Variants in KRTAP9-3 observed in about 807,000 individuals in gnomAD.
KRTAP9-3 encodes the protein keratin-associated protein 9-3.
Under a neutral mutation model 13.0 loss-of-function variants are expected in KRTAP9-3, and 12 were observed. The ratio of observed to expected loss-of-function variants is 0.93; its 90% CI spans 0.59 to 1.50. The LOEUF is 1.50. Among genes scored for constraint, KRTAP9-3 ranks in the 40% most tolerant of loss-of-function variants. KRTAP9-3 has a pLI of 0.00. For missense variants in KRTAP9-3, 232 were observed against 195.2 expected, an observed-to-expected ratio of 1.19 and a Z score of -1.12; for synonymous variants, 89 against 68.7, an observed-to-expected ratio of 1.29 and a Z score of -1.46.
rs892627992 is a variant in KRTAP9-3 at position 41,233,146 on chromosome 17, C to T, written c.*165C>T. The T allele has an allele frequency of 7.9e-6, 9 of 1,138,110 alleles. No individual in the cohort carries two copies. Among genetic ancestry groups the T allele is most frequent in the Non-Finnish European group, 1.0e-5 (8 of 797,482 alleles). The allele number at this position is 1,138,110 out of a possible 1,614,324, so 70.5% of individuals were successfully genotyped here. On this transcript the variant is annotated 3_prime_UTR_variant, in exon 1 of 1. Coordinates refer to ENST00000411528, the MANE Select transcript of KRTAP9-3 (RefSeq NM_031962.3). ...TCTTGGGAATCTGCTTGAGGGAGGG[C>T]AGAATACTTCATCCTCATTCCCTCT...
chr17:41,232,516 C>T lies in KRTAP9-3; in HGVS notation c.15C>T (p.Cys5=). The change falls in exon 1 of 1, where the codon TGC becomes TGT. Residue 5 remains cysteine, a synonymous_variant. Coordinates refer to ENST00000411528, the MANE Select transcript of KRTAP9-3 (RefSeq NM_031962.3). ...TCCCTGACACCATGACCCACTGTTG[C>T]TCCCCTTGCTGTCAGCCTACCTGCT... MTHC[C]SPCCQPTCCR... 6.2e-7 allele frequency: 1 copy of T among 1,606,060 alleles called. No individual in the cohort carries two copies. The highest frequency in any genetic ancestry group is 8.5e-7 in the Non-Finnish European group (1 of 1,179,586).
Position 41,233,067 on chromosome 17 carries a change from T to C in KRTAP9-3, c.*86T>C. 1 of 1,566,198 alleles carries C rather than the reference T, an allele frequency of 6.4e-7. No homozygotes were observed. The highest frequency in any genetic ancestry group is 8.6e-7 in the Non-Finnish European group (1 of 1,157,344). On this transcript the variant is annotated 3_prime_UTR_variant, in exon 1 of 1. Transcript: ENST00000411528. ...TTGAGGGACTAATTTACTTTGCTGC[T>C]GACAGCCACCATGCTCTCACCCAAA...
Position 41,232,717 on chromosome 17 carries a change from G to T in KRTAP9-3, c.216G>T (p.Gln72His), listed in dbSNP as rs1272886092. ...CQPICVTSCCQPSCCSTPCCQ... is the reference protein window; with the variant it reads ...CQPICVTSCCHPSCCSTPCCQ... ...CCATCTGTGTGACCAGCTGCTGCCAGCCTTCCTGCTGTAGCACACCCTGCT... is the reference window on the plus strand; with the variant it reads ...CCATCTGTGTGACCAGCTGCTGCCATCCTTCCTGCTGTAGCACACCCTGCT... The change falls in exon 1 of 1, where the codon CAG (glutamine) becomes CAT (histidine). Residue 72 changes from glutamine (Q) to histidine (H), a missense_variant. By Grantham distance (24) the Gln-to-His change is conservative (BLOSUM62 0). Coordinates refer to ENST00000411528, the MANE Select transcript of KRTAP9-3 (RefSeq NM_031962.3). 1 of 1,608,580 alleles carries T rather than the reference G, an allele frequency of 6.2e-7. No homozygotes were observed. The highest frequency in any genetic ancestry group is 2.2e-5 in the East Asian group (1 of 44,884).
chr17:41,232,780 C>A lies in KRTAP9-3; in HGVS notation c.279C>A (p.Ser93Arg), dbSNP rs771161134. 3.7e-6 allele frequency: 6 copies of A among 1,608,136 alleles called. No individual in the cohort carries two copies. The highest frequency in any genetic ancestry group is 4.2e-6 in the Non-Finnish European group (5 of 1,179,946). ...GCTGTGGGTCCAGCTGTGGTCAGAGCAGCTCCTGTGCACCTGTGTACTGCA... is the reference window on the plus strand; with the variant it reads ...GCTGTGGGTCCAGCTGTGGTCAGAGAAGCTCCTGTGCACCTGTGTACTGCA... ...PTCCGSSCGQ[S>R]SSCAPVYCRR... The change falls in exon 1 of 1, where the codon AGC becomes AGA. Residue 93 changes from serine (S) to arginine (R), a missense_variant. Transcript: ENST00000411528.
chr17:41,232,969 T>A lies in KRTAP9-3; in HGVS notation c.468T>A (p.Pro156=). The change falls in exon 1 of 1, where the codon CCT becomes CCA. Residue 156 remains proline, a synonymous_variant. Coordinates refer to ENST00000411528, the MANE Select transcript of KRTAP9-3 (RefSeq NM_031962.3). ...CCTGTGTGTACAGCTGCTGCCAGCC[T>A]TCTTGCTGCTAATCAACTCCCAAGA... The part of the protein sequence containing the change: ...QPTCVYSCCQ[P]SCC 6.2e-7 allele frequency: 1 copy of A among 1,608,754 alleles called. No homozygotes were observed. The highest frequency in any genetic ancestry group is 8.5e-7 in the Non-Finnish European group (1 of 1,179,722).
In KRTAP9-3 at chr17:41,232,455, T is replaced by C. The variant is rs1161044053; in HGVS notation, c.-47T>C. 6.3e-7 allele frequency: 1 copy of C among 1,589,878 alleles called. No homozygotes were observed. The highest frequency in any genetic ancestry group is 1.7e-5 in the Admixed American group (1 of 59,018). On this transcript the variant is annotated 5_prime_UTR_variant, in exon 1 of 1. Coordinates refer to ENST00000411528, the MANE Select transcript of KRTAP9-3 (RefSeq NM_031962.3). ...CAGATTGCAAGGGGTCATCAGATTT[T>C]GGGAAACTCACCTCTTAACAGAAGC...
rs1293282848 is a variant in KRTAP9-3 at position 41,233,003 on chromosome 17, A to G, written c.*22A>G. On this transcript the variant is annotated 3_prime_UTR_variant, in exon 1 of 1. Transcript: ENST00000411528. ...CTAATCAACTCCCAAGAGAACTACC[A>G]TCCTCACACAACAACCTTCAGCTCA... 2 of 1,607,190 alleles carry G rather than the reference A, an allele frequency of 1.2e-6. No individual in the cohort carries two copies. The highest frequency in any genetic ancestry group is 1.1e-5 in the South Asian group (1 of 91,020).
In KRTAP9-3 at chr17:41,233,164, T is replaced by C. The variant is rs2015894933; in HGVS notation, c.*183T>C. 2 of 983,234 alleles carry C rather than the reference T, an allele frequency of 2.0e-6. No individual in the cohort carries two copies. Among genetic ancestry groups the C allele is most frequent in the Non-Finnish European group, 3.0e-6 (2 of 663,998 alleles). 60.9% of individuals were successfully genotyped at this position (983,234 alleles called of 1,614,324 possible). A position where few individuals can be genotyped will look rare whatever the true frequency, so the allele number is the denominator to read the frequency against. On this transcript the variant is annotated 3_prime_UTR_variant, in exon 1 of 1. Coordinates refer to ENST00000411528, the MANE Select transcript of KRTAP9-3 (RefSeq NM_031962.3). ...GGGAGGGCAGAATACTTCATCCTCA[T>C]TCCCTCTTTCCTTACACCTTGTGGA...
In KRTAP9-3 at chr17:41,232,910, A is replaced by G. The variant is rs1482412504; in HGVS notation, c.409A>G (p.Thr137Ala). The change falls in exon 1 of 1, where the codon ACC (threonine) becomes GCC (alanine). Residue 137 changes from threonine to alanine, a missense_variant. Transcript: ENST00000411528. ...CTGCTGCCGCCCAGCCTGCTGTGAGACCACCTGCTGCAGGACCACTTGTTT... is the reference window on the plus strand; with the variant it reads ...CTGCTGCCGCCCAGCCTGCTGTGAGGCCACCTGCTGCAGGACCACTTGTTT... ...QPCCRPACCE[T>A]TCCRTTCFQP... 6.2e-7 allele frequency: 1 copy of G among 1,607,458 alleles called. No homozygotes were observed.
chr17:41,232,860 G>A lies in KRTAP9-3; in HGVS notation c.359G>A (p.Ser120Asn), dbSNP rs1422068211. 1 of 1,608,238 alleles carries A rather than the reference G, an allele frequency of 6.2e-7. No individual in the cohort carries two copies. Among genetic ancestry groups the A allele is most frequent in the Non-Finnish European group, 8.5e-7 (1 of 1,179,972 alleles). The change falls in exon 1 of 1, where the codon AGC becomes AAC. Residue 120 changes from serine to asparagine, a missense_variant. Physicochemically the swap from Ser to Asn is conservative, Grantham distance 46 (BLOSUM62 1). Coordinates refer to ENST00000411528, the MANE Select transcript of KRTAP9-3 (RefSeq NM_031962.3). ...SVCLPGCLNQ[S>N]CGSNCCQPCC... ...TGTCTGCCTGGTTGCCTAAACCAGA[G>A]CTGTGGCTCCAACTGCTGCCAGCCC...
At position 41,233,065 on chromosome 17, in the gene KRTAP9-3, G is replaced by A; in HGVS notation, c.*84G>A. 1.9e-6 allele frequency: 3 copies of A among 1,567,392 alleles called. No individual in the cohort carries two copies. The highest frequency in any genetic ancestry group is 1.5e-5 in the African/African-American group (1 of 68,224). ...TTTTGAGGGACTAATTTACTTTGCT[G>A]CTGACAGCCACCATGCTCTCACCCA... On this transcript the variant is annotated 3_prime_UTR_variant, in exon 1 of 1. Transcript: ENST00000411528.
In KRTAP9-3 at chr17:41,232,854, A is replaced by G. The variant is rs747778232; in HGVS notation, c.353A>G (p.Asn118Ser). Residue 118 changes from asparagine (N) to serine (S), a missense_variant, in exon 1 of 1, where the codon AAC becomes AGC. By Grantham distance (46) the Asn-to-Ser change is conservative (BLOSUM62 1). Coordinates refer to ENST00000411528, the MANE Select transcript of KRTAP9-3 (RefSeq NM_031962.3). ...PTSVCLPGCL[N>S]QSCGSNCCQP... ...AGTGTTTGTCTGCCTGGTTGCCTAAACCAGAGCTGTGGCTCCAACTGCTGC... is the reference window on the plus strand; with the variant it reads ...AGTGTTTGTCTGCCTGGTTGCCTAAGCCAGAGCTGTGGCTCCAACTGCTGC... 1.9e-5 allele frequency: 31 copies of G among 1,603,942 alleles called. No individual in the cohort carries two copies. The highest frequency in any genetic ancestry group is 2.5e-5 in the Non-Finnish European group (30 of 1,179,320).
Position 41,232,651 on chromosome 17 carries a change from T to C in KRTAP9-3, c.150T>C (p.Thr50=). 1.9e-6 allele frequency: 3 copies of C among 1,607,492 alleles called. No homozygotes were observed. The highest frequency in any genetic ancestry group is 1.7e-6 in the Non-Finnish European group (2 of 1,179,838). Residue 50 remains threonine (T), a synonymous_variant, in exon 1 of 1, where the codon ACT becomes ACC. Transcript: ENST00000411528. The part of the protein sequence containing the change: ...SSCCQPCCHP[T]CCQNTCCRTT... ...GCTGCCAGCCTTGCTGCCACCCAAC[T>C]TGCTGTCAAAACACCTGCTGTAGGA... is the stretch of plus-strand genomic sequence containing the variant.
rs769286343 is a variant in KRTAP9-3, at chr17:41,232,544, A to T, written c.43A>T (p.Arg15Trp). The change falls in exon 1 of 1, where the codon AGG becomes TGG. Residue 15 changes from arginine to tryptophan, a missense_variant. Transcript: ENST00000411528. ...CCCTTGCTGTCAGCCTACCTGCTGC[A>T]GGACCACCTGCTGGCAGCCCACCAC... is the stretch of plus-strand genomic sequence containing the variant. ...CSPCCQPTCC[R>W]TTCWQPTTVT... The T allele has an allele frequency of 6.2e-7, 1 of 1,603,774 alleles. No homozygotes were observed. The highest frequency in any genetic ancestry group is 1.1e-5 in the South Asian group (1 of 90,886).
chr17:41,232,816 C>T lies in KRTAP9-3; in HGVS notation c.315C>T (p.Cys105=). 1.2e-6 allele frequency: 2 copies of T among 1,608,374 alleles called. No individual in the cohort carries two copies. The highest frequency in any genetic ancestry group is 1.7e-6 in the Non-Finnish European group (2 of 1,179,998). Residue 105 remains cysteine, a synonymous_variant, in exon 1 of 1, where the codon TGC becomes TGT. Coordinates refer to ENST00000411528, the MANE Select transcript of KRTAP9-3 (RefSeq NM_031962.3). ...SCAPVYCRRT[C]YHPTSVCLPG... ...CACCTGTGTACTGCAGAAGAACCTG[C>T]TACCACCCCACAAGTGTTTGTCTGC...
Position 41,232,983 on chromosome 17 carries a change from C to A in KRTAP9-3, c.*2C>A, listed in dbSNP as rs2015889947. The stretch of plus-strand genomic sequence containing the variant: ...TGCTGCCAGCCTTCTTGCTGCTAAT[C>A]AACTCCCAAGAGAACTACCATCCTC... On this transcript the variant is annotated 3_prime_UTR_variant, in exon 1 of 1. Coordinates refer to ENST00000411528, the MANE Select transcript of KRTAP9-3 (RefSeq NM_031962.3). The A allele has an allele frequency of 6.2e-7, 1 of 1,608,492 alleles. No homozygotes were observed. The highest frequency in any genetic ancestry group is 8.5e-7 in the Non-Finnish European group (1 of 1,179,660).
At position 41,233,173 on chromosome 17, in the gene KRTAP9-3, TC is replaced by T; in HGVS notation, c.*194del. The T allele has an allele frequency of 2.1e-6, 2 of 942,702 alleles. No individual in the cohort carries two copies. Among genetic ancestry groups the T allele is most frequent in the Non-Finnish European group, 3.2e-6 (2 of 630,656 alleles). The allele number at this position is 942,702 out of a possible 1,614,324, so 58.4% of individuals were successfully genotyped here. A position where few individuals can be genotyped will look rare whatever the true frequency, so the allele number is the denominator to read the frequency against. ...GAATACTTCATCCTCATTCCCTCTT[TC>T]CTTACACCTTGTGGATCATGTGCCA... On this transcript the variant is annotated 3_prime_UTR_variant, in exon 1 of 1. Transcript: ENST00000411528.
rs1214175476 is a variant in KRTAP9-3 at position 41,232,823 on chromosome 17, C to T, written c.322C>T (p.Pro108Ser). 2 of 1,608,140 alleles carry T rather than the reference C, an allele frequency of 1.2e-6. No homozygotes were observed. The highest frequency in any genetic ancestry group is 1.4e-5 in the African/African-American group (1 of 69,250). ...PVYCRRTCYHPTSVCLPGCLN... is the reference protein window; with the variant it reads ...PVYCRRTCYHSTSVCLPGCLN... ...GTACTGCAGAAGAACCTGCTACCAC[C>T]CCACAAGTGTTTGTCTGCCTGGTTG... is the stretch of plus-strand genomic sequence containing the variant. Residue 108 changes from proline (P) to serine (S), a missense_variant, in exon 1 of 1, where the codon CCC (proline) becomes TCC (serine). By Grantham distance (74) the Pro-to-Ser change is moderately conservative. Transcript: ENST00000411528.
rs1428239416 is a variant in KRTAP9-3 at position 41,232,761 on chromosome 17, G to T, written c.260G>T (p.Gly87Val). 5 of 1,607,440 alleles carry T rather than the reference G, an allele frequency of 3.1e-6. No individual in the cohort carries two copies. In the South Asian group the frequency reaches 3.3e-5, roughly 11 times the overall value. ...STPCCQPTCC[G>V]SSCGQSSSCA... is the part of the protein sequence containing the mutation. The stretch of plus-strand genomic sequence containing the variant: ...CCCTGCTGCCAGCCCACATGCTGTG[G>T]GTCCAGCTGTGGTCAGAGCAGCTCC... The change falls in exon 1 of 1, where the codon GGG (glycine) becomes GTG (valine). Residue 87 changes from glycine to valine, a missense_variant. Physicochemically the swap from Gly to Val is moderately radical, Grantham distance 109. Coordinates refer to ENST00000411528, the MANE Select transcript of KRTAP9-3 (RefSeq NM_031962.3).
Sources: allele counts gnomAD v4.1 joint callset, GRCh38; gene constraint gnomAD v4.1.1; transcripts MANE v1.5; gene names NCBI Gene and HGNC (gene_info 2026-07-23, HGNC 2026-07-21).